Variants in CPQ observed in about 807,000 individuals in gnomAD.
CPQ encodes carboxypeptidase Q, also known as Ser-Met dipeptidase.
In CPQ, 37 loss-of-function variants were observed where a neutral mutation model predicts 45.7. That is an observed-to-expected ratio of 0.81 (90% CI 0.62 to 1.07). CPQ has a LOEUF of 1.07. CPQ is among the 50% of genes least tolerant of loss of function. CPQ has a pLI of 0.00. For synonymous variants in CPQ, 186 were observed against 205.8 expected, an observed-to-expected ratio of 0.90 and a Z score of 0.82; for missense variants, 537 against 572.9, an observed-to-expected ratio of 0.94 and a Z score of 0.64.
At chr8:96,881,920 T>C (rs1395343642) in intron 4 of CPQ, among the ~76,000 whole-genome samples, 2 of 152,224 alleles carry the variant, frequency 1.3e-5, no homozygotes, top group African/African-American at 2.4e-5. Flanking sequence ...GCAAATCTCA[T>C]GCATTTGTTA....
Position 96,970,809 on chromosome 8 carries a change from C to T in CPQ, c.961+4763C>T, listed in dbSNP as rs542813567. Among the ~76,000 whole-genome samples, 7 of 152,154 alleles carry T rather than the reference C, an allele frequency of 4.6e-5. No individual in the cohort carries two copies. In the East Asian group the frequency reaches 7.7e-4, roughly 17 times the overall value. ...CTATCTCCTGACCTCGTGATCCGCC[C>T]GCCTCGGCCTCCCAAAGTGCTGGGA... On this transcript the variant is annotated intron_variant, in intron 5 of 7. Transcript: ENST00000220763.
intron 5 of CPQ, among the ~76,000 whole-genome samples, chr8:97,004,516 C>A (rs562225487): frequency 6.6e-6 from 1 of 152,030 alleles, no homozygotes; most frequent in South Asian, 2.1e-4. Flanking sequence ...TCAAGAGCTA[C>A]AAAATTACCC....
chr8:96,903,533 T>C (rs1812539445), intron 4 of CPQ, among the ~76,000 whole-genome samples: 1 of 152,210 alleles, frequency 6.6e-6, no homozygotes, highest in Non-Finnish European at 1.5e-5. Context: ...GTTATGCCTG[T>C]CTCCTCTTCC....
intron 1 of CPQ, among the ~76,000 whole-genome samples, chr8:96,737,683 A>G (rs1289004589): frequency 6.6e-6 from 1 of 152,148 alleles, no homozygotes; most frequent in Non-Finnish European, 1.5e-5. Context: ...CCACACAGAC[A>G]CACTCAGGAT....
chr8:96,719,033 C>A (rs998456318), intron 1 of CPQ, among the ~76,000 whole-genome samples: 6 of 152,246 alleles, frequency 3.9e-5, no homozygotes, highest in African/African-American at 1.4e-4. Context: ...CCCAGTAGAT[C>A]CCGCACCGGG....
chr8:96,647,193 AACAAAC>A (rs1340919622), intron 1 of CPQ, among the ~76,000 whole-genome samples: 1 of 152,242 alleles, frequency 6.6e-6, no homozygotes, highest in African/African-American at 2.4e-5. Context: ...TGCTACATTT[AACAAAC>A]ACAAAGTTCC....
chr8:96,721,122 C>G (rs1563478987), intron 1 of CPQ, among the ~76,000 whole-genome samples: 2 of 152,088 alleles, frequency 1.3e-5, no homozygotes, highest in African/African-American at 2.4e-5. Context: ...AATGTACTTG[C>G]AGGGGGCTCC....
rs536857728 is a variant in CPQ, at chr8:96,926,745, G to A, written c.850-39190G>A. ...CAGAACGTCCAGGTTTATTACATAG[G>A]TATACACGTGCCATGGTGGTTTGCT... is the stretch of plus-strand genomic sequence containing the variant. On this transcript the variant is annotated intron_variant, in intron 4 of 7. Transcript: ENST00000220763. Among the ~76,000 whole-genome samples, 206 of 151,308 alleles carry A rather than the reference G, an allele frequency of 1.4e-3. 2 individuals are homozygous for A. Among genetic ancestry groups the A allele is most frequent in the Admixed American group, 0.01 (152 of 15,194 alleles).
chr8:96,953,753 A>G (rs1045377358), intron 4 of CPQ, among the ~76,000 whole-genome samples: 1 of 152,150 alleles, frequency 6.6e-6, no homozygotes, highest in Non-Finnish European at 1.5e-5. Flanking sequence ...TGACTGAGAT[A>G]CTGTTAGCTC....
At chr8:96,805,039 C>G (rs1811062122) in intron 2 of CPQ, among the ~76,000 whole-genome samples, 1 of 152,026 alleles carries the variant, frequency 6.6e-6, no homozygotes, top group African/African-American at 2.4e-5. Context: ...GTGGGCATTG[C>G]CAGTGATATA....
intron 7 of CPQ, among the ~76,000 whole-genome samples, chr8:97,087,516 T>C (rs564399260): frequency 1.3e-5 from 2 of 152,252 alleles, no homozygotes; most frequent in Admixed American, 1.3e-4. Flanking sequence ...GTTATAATGG[T>C]AATTAGCATT....
At chr8:97,009,785 C>T (rs1219405948) in intron 5 of CPQ, among the ~76,000 whole-genome samples, 15 of 152,032 alleles carry the variant, frequency 9.9e-5, no homozygotes, top group Admixed American at 9.8e-4. Flanking sequence ...CAATTTTATC[C>T]GAGGTCTGTG....
chr8:96,827,730 TA>T (rs1334939992), intron 2 of CPQ, among the ~76,000 whole-genome samples: 2 of 151,840 alleles, frequency 1.3e-5, no homozygotes, highest in African/African-American at 2.4e-5. Context: ...TTTCACAGGA[TA>T]AAAAAAAGTT....
At chr8:96,947,489 G>C (rs1257794463) in intron 4 of CPQ, among the ~76,000 whole-genome samples, 1 of 152,098 alleles carries the variant, frequency 6.6e-6, no homozygotes, top group Non-Finnish European at 1.5e-5. Flanking sequence ...TTGAAATCAG[G>C]AAGTGTGATG....
At chr8:97,053,178 T>C (rs1484762095) in intron 6 of CPQ, among the ~76,000 whole-genome samples, 2 of 152,196 alleles carry the variant, frequency 1.3e-5, no homozygotes, top group Non-Finnish European at 2.9e-5. Flanking sequence ...CATACATGCA[T>C]ATATTTATTC....
At chr8:96,861,976 A>C (rs1281856111) in intron 3 of CPQ, among the ~76,000 whole-genome samples, 1 of 152,122 alleles carries the variant, frequency 6.6e-6, no homozygotes, top group African/African-American at 2.4e-5. Flanking sequence ...CTAACTGGCC[A>C]TGGAAAATTG....
chr8:96,843,903 A>G (rs569639503), intron 3 of CPQ, among the ~76,000 whole-genome samples: 7 of 152,234 alleles, frequency 4.6e-5, no homozygotes, highest in Non-Finnish European at 1.0e-4. Flanking sequence ...TGGGGCTGCT[A>G]TAATTAATGG....
intron 1 of CPQ, among the ~76,000 whole-genome samples, chr8:96,730,000 C>T (rs187898933): frequency 3.9e-5 from 6 of 152,222 alleles, no homozygotes; most frequent in Admixed American, 1.3e-4. Flanking sequence ...GGGCTTGGGT[C>T]TGGAGATTGG....
At chr8:96,672,763 G>A (rs1809022045) in intron 1 of CPQ, among the ~76,000 whole-genome samples, 1 of 152,030 alleles carries the variant, frequency 6.6e-6, no homozygotes, top group Non-Finnish European at 1.5e-5. Flanking sequence ...GGGAGACAGA[G>A]CAAGACTCTG....
Sources: allele counts gnomAD v4.1 joint callset (sites outside exome capture counted in the v4.1 genomes callset), GRCh38; gene constraint gnomAD v4.1.1; transcripts MANE v1.5; gene names NCBI Gene and HGNC (gene_info 2026-07-23, HGNC 2026-07-21).